The following ARPC5 variants were observed in gnomAD, a reference collection of about 807,000 sequenced individuals.
ARPC5 encodes the protein actin related protein 2/3 complex subunit 5, also known as actin-related protein 2/3 complex subunit 5.
Under a neutral mutation model 15.4 loss-of-function variants are expected in ARPC5, and 5 were observed. The observed-to-expected ratio is 0.32, with a 90% CI of 0.17 to 0.68. The LOEUF (loss-of-function observed/expected upper bound fraction) is 0.68. Ranked by LOEUF, ARPC5 falls within the 30% of genes least tolerant of loss-of-function variation. ARPC5 has a pLI of 0.71. For missense variants in ARPC5, 138 were observed against 192.8 expected (o/e 0.72, Z 1.68); for synonymous variants, 85 against 72.2 (o/e 1.18, Z -0.90).
intron 2 of ARPC5, 174 bp downstream of exon 2, chr1:183,632,908 T>A: frequency 2.0e-6 from 1 of 511,006 alleles, no homozygotes; most frequent in Admixed American, 4.2e-5. Context: ...TTATCATAAC[T>A]ACATTATAGG....
rs1028279960 is a variant in ARPC5, at chr1:183,634,921, T to C, written c.143+596A>G. Among the ~76,000 whole-genome samples, 407 of 147,590 alleles carry C rather than the reference T, an allele frequency of 2.8e-3. 1 individual carries two copies. The highest frequency in any genetic ancestry group is 3.7e-3 in the Non-Finnish European group (248 of 67,754). Reference sequence around the variant, plus strand: ...AATCCCCTTCTTCTTCTTCTTTTTTTTTTTTTTTTAAAAAGGCCAATGGGC... The same window carrying C: ...AATCCCCTTCTTCTTCTTCTTTTTTCTTTTTTTTTAAAAAGGCCAATGGGC... On this transcript the variant is annotated intron_variant, in intron 1 of 3. Transcript: ENST00000359856.
Position 183,634,993 on chromosome 1 carries a change from G to GC in ARPC5, c.143+523dup, listed in dbSNP as rs576062820. 1.3e-3 allele frequency among the ~76,000 whole-genome samples: 168 copies of GC among 125,364 alleles called. 1 individual carries two copies. The Middle Eastern group carries it at 0.022, about 16-fold the overall frequency. The allele number at this position is 125,364 out of a possible 152,430, so 82.2% of individuals were successfully genotyped here. A position where few individuals can be genotyped will look rare whatever the true frequency, so the allele number is the denominator to read the frequency against. On this transcript the variant is annotated intron_variant, in intron 1 of 3. Coordinates refer to ENST00000359856, the MANE Select transcript of ARPC5 (RefSeq NM_005717.4). ...TTTTCGAACAGTCCCATCTCCCCCC[G>GC]CCCCCCGGTAAGGAATAAACTACCT...
Position 183,626,674 on chromosome 1 carries a change from A to G in ARPC5, c.*858T>C, listed in dbSNP as rs764605671. The G allele has an allele frequency of 6.5e-6, 1 of 152,672 alleles. No homozygotes were observed. The highest frequency in any genetic ancestry group is 6.5e-5 in the Admixed American group (1 of 15,290). 9.5% of individuals were successfully genotyped at this position (152,672 alleles called of 1,614,324 possible). ...CCTCATAATGTCTAAGGCAGCTATT[A>G]TATTTCTAAAGAAAGTAGCATTTCA... On this transcript the variant is annotated 3_prime_UTR_variant, in exon 4 of 4. Coordinates refer to ENST00000359856, the MANE Select transcript of ARPC5 (RefSeq NM_005717.4).
In ARPC5 at chr1:183,623,548, G is replaced by C; in HGVS notation, c.*3984C>G. 1 of 1,546,338 alleles carries C rather than the reference G, an allele frequency of 6.5e-7. No homozygotes were observed. The highest frequency in any genetic ancestry group is 2.0e-5 in the Admixed American group (1 of 50,980). On this transcript the variant is annotated 3_prime_UTR_variant, in exon 4 of 4. Coordinates refer to ENST00000359856, the MANE Select transcript of ARPC5 (RefSeq NM_005717.4). ...TGGGGTGAGGGGGAGAGGGAGTGGG[G>C]CAGAGGTCCCGCGGCAGGAATATGG...
intron 3 of ARPC5, among the ~76,000 whole-genome samples, chr1:183,629,235 A>G (rs1649196041): frequency 1.3e-5 from 2 of 152,226 alleles, no homozygotes; most frequent in African/African-American, 4.8e-5. Flanking sequence ...GGAATATAAT[A>G]AGTAATCAAT....
At chr1:183,630,084 C>T (rs1334745025) in intron 3 of ARPC5, among the ~76,000 whole-genome samples, 1 of 152,190 alleles carries the variant, frequency 6.6e-6, no homozygotes, top group Non-Finnish European at 1.5e-5. Flanking sequence ...ATGGTTGAAT[C>T]ATATTCCATT....
chr1:183,634,769 C>T (rs1321961039), intron 1 of ARPC5, among the ~76,000 whole-genome samples: 1 of 152,088 alleles, frequency 6.6e-6, no homozygotes, highest in Non-Finnish European at 1.5e-5. Flanking sequence ...ACGCATTCCC[C>T]GTTGTTTTTT....
intron 1 of ARPC5, 101 bp downstream of exon 1, chr1:183,635,416 G>C: frequency 7.2e-7 from 1 of 1,383,196 alleles, no homozygotes. Context: ...TGAGAGGGCA[G>C]CTCCGCGCCG....
Position 183,629,273 on chromosome 1 carries a change from G to C in ARPC5, c.393+1188C>G, listed in dbSNP as rs553137690. Among the ~76,000 whole-genome samples the C allele has an allele frequency of 2.0e-5, 3 of 152,344 alleles. No individual in the cohort carries two copies. The South Asian group carries it at 6.2e-4, about 32-fold the overall frequency. On this transcript the variant is annotated intron_variant, in intron 3 of 3. Coordinates refer to ENST00000359856, the MANE Select transcript of ARPC5 (RefSeq NM_005717.4). Reference sequence around the variant, plus strand: ...TCACTGCAATCTTGAGGCTATGCTAGAACTACGCTGCTTGGGTTTTAAAGC... The same window carrying C: ...TCACTGCAATCTTGAGGCTATGCTACAACTACGCTGCTTGGGTTTTAAAGC...
rs1175882173 is a variant in ARPC5 at position 183,626,674 on chromosome 1, A to ATATT, written c.*854_*857dup. ...CCTCATAATGTCTAAGGCAGCTATTATATTTCTAAAGAAAGTAGCATTTCA... is the reference window on the plus strand; with the variant it reads ...CCTCATAATGTCTAAGGCAGCTATTATATTTATTTCTAAAGAAAGTAGCATTTCA... On this transcript the variant is annotated 3_prime_UTR_variant, in exon 4 of 4. Transcript: ENST00000359856. 1 of 152,672 alleles carries ATATT rather than the reference A, an allele frequency of 6.5e-6. No homozygotes were observed. The highest frequency in any genetic ancestry group is 1.5e-5 in the Non-Finnish European group (1 of 68,038). The allele number at this position is 152,672 out of a possible 1,614,324, so 9.5% of individuals were successfully genotyped here.
At chr1:183,633,050 C>T (rs1392920197) in intron 2 of ARPC5, 32 bp downstream of exon 2, 3 of 1,501,426 alleles carry the variant, frequency 2.0e-6, no homozygotes, top group Admixed American at 1.9e-5. Context: ...AAGATATCAG[C>T]AGAGATCACT....
At chr1:183,629,188 A>C (rs1649193980) in intron 3 of ARPC5, among the ~76,000 whole-genome samples, 1 of 152,234 alleles carries the variant, frequency 6.6e-6, no homozygotes, top group African/African-American at 2.4e-5. Flanking sequence ...TGAGGATTAA[A>C]TGAGTTAATA....
At chr1:183,630,087 A>T (rs1011232744) in intron 3 of ARPC5, among the ~76,000 whole-genome samples, 19 of 152,214 alleles carry the variant, frequency 1.2e-4, no homozygotes, top group Non-Finnish European at 2.2e-4. Flanking sequence ...GTTGAATCAT[A>T]TTCCATTGTA....
chr1:183,630,916 C>T (rs896161088), intron 2 of ARPC5: 1 of 308,684 alleles, frequency 3.2e-6, no homozygotes, highest in Non-Finnish European at 5.9e-6. Context: ...GAGGACAGAT[C>T]GTGTAAGGCC....
intron 1 of ARPC5, chr1:183,633,568 G>A (rs1254795116): frequency 2.0e-5 from 3 of 153,066 alleles, no homozygotes; most frequent in Non-Finnish European, 2.9e-5. Context: ...AAAAAATAAA[G>A]ACCAAACTTT....
intron 2 of ARPC5, chr1:183,632,295 G>C (rs986688176): frequency 6.6e-6 from 1 of 151,952 alleles, no homozygotes; most frequent in Admixed American, 6.6e-5. Context: ...TGTTCTGAAG[G>C]GCAATTTGGC....
In ARPC5 at chr1:183,621,238, TC is replaced by T; in HGVS notation, c.*6293del. 6.6e-6 allele frequency: 1 copy of T among 152,316 alleles called. No homozygotes were observed. The highest frequency in any genetic ancestry group is 2.1e-4 in the South Asian group (1 of 4,828). 9.4% of individuals were successfully genotyped at this position (152,316 alleles called of 1,614,324 possible). A position where few individuals can be genotyped will look rare whatever the true frequency, so the allele number is the denominator to read the frequency against. ...TTAAGAAAGGCAATTTAGCAATATC[TC>T]CCTTAAATGCCCTCCAACTGACCTT... On this transcript the variant is annotated 3_prime_UTR_variant, in exon 4 of 4. Transcript: ENST00000359856.
intron 1 of ARPC5, among the ~76,000 whole-genome samples, chr1:183,634,573 T>C (rs2101959520): frequency 6.6e-6 from 1 of 152,292 alleles, no homozygotes; most frequent in African/African-American, 2.4e-5. Flanking sequence ...AAAGATGTAA[T>C]GCAAATGCGA....
chr1:183,633,352 T>C (rs1649323339), intron 1 of ARPC5, 198 bp from the exon 2 acceptor site: 2 of 424,584 alleles, frequency 4.7e-6, no homozygotes, highest in South Asian at 4.1e-5. Flanking sequence ...TTAGACTTTT[T>C]TTTAATAAAG....
Sources: gnomAD v4.1 joint callset for allele counts (sites outside exome capture counted in the v4.1 genomes callset) on GRCh38, gnomAD v4.1.1 for gene constraint, MANE v1.5 for transcripts, NCBI Gene and HGNC (gene_info 2026-07-23, HGNC 2026-07-21) for gene names.